TTC13: variants seen among roughly 807,000 people sequenced by gnomAD.
TTC13 encodes tetratricopeptide repeat protein 13.
TTC13 carries 62 observed loss-of-function variants against 120.0 expected under a neutral mutation model. That is an observed-to-expected ratio of 0.52 (90% CI 0.42 to 0.64). The LOEUF (loss-of-function observed/expected upper bound fraction) is 0.64. Ranked by LOEUF, TTC13 falls within the 30% of genes least tolerant of loss-of-function variation. The pLI is 0.00. For missense variants in TTC13, 824 were observed against 1,050.2 expected, an observed-to-expected ratio of 0.78 and a Z score of 2.98; for synonymous variants, 384 against 393.5, an observed-to-expected ratio of 0.98 and a Z score of 0.28.
intron 9 of TTC13, among the ~76,000 whole-genome samples, chr1:230,932,867 A>C (rs1167642462): frequency 6.6e-6 from 1 of 152,238 alleles, no homozygotes; most frequent in Non-Finnish European, 1.5e-5. Context: ...GAGAAGCCAG[A>C]AGCTCAGGGA....
At chr1:230,921,323 G>C (rs1672553490) in intron 16 of TTC13, 98 bp downstream of exon 16, 2 of 681,114 alleles carry the variant, frequency 2.9e-6, no homozygotes, top group African/African-American at 3.8e-5. Context: ...ACCTTGTTTA[G>C]CCCGTCAACA....
chr1:230,957,760 A>G (rs986237136), intron 3 of TTC13, among the ~76,000 whole-genome samples: 12 of 152,228 alleles, frequency 7.9e-5, no homozygotes, highest in African/African-American at 2.9e-4. Context: ...TCGTGCAGGT[A>G]CGAATGAATT....
intron 1 of TTC13, among the ~76,000 whole-genome samples, chr1:230,977,063 GA>G (rs1445584443): frequency 6.6e-6 from 1 of 152,136 alleles, no homozygotes; most frequent in Non-Finnish European, 1.5e-5. Context: ...TCTGGAGCCC[GA>G]CTTCATGGGT....
intron 1 of TTC13, among the ~76,000 whole-genome samples, chr1:230,968,964 G>A (rs1237688099): frequency 6.6e-6 from 1 of 152,218 alleles, no homozygotes; most frequent in African/African-American, 2.4e-5. Context: ...AGCTGAGACT[G>A]TAAGTACAGT....
intron 15 of TTC13, 100 bp downstream of exon 15, chr1:230,923,741 G>A: frequency 1.0e-6 from 1 of 969,044 alleles, no homozygotes; most frequent in South Asian, 1.6e-5. Flanking sequence ...TGGTCAAAAA[G>A]TCACCAGGAA....
At chr1:230,948,857 A>G (rs1675262481) in intron 4 of TTC13, among the ~76,000 whole-genome samples, 1 of 152,162 alleles carries the variant, frequency 6.6e-6, no homozygotes, top group Admixed American at 6.5e-5. Context: ...TCCCAAATGC[A>G]GTGCATTTGC....
chr1:230,936,420 T>TGTA, intron 8 of TTC13: 1 of 367,402 alleles, frequency 2.7e-6, no homozygotes, highest in Non-Finnish European at 5.3e-6. Flanking sequence ...TCTTTCTTAC[T>TGTA]AGTTGACAGG....
chr1:230,921,926 C>T (rs1000019673), intron 15 of TTC13, among the ~76,000 whole-genome samples: 1 of 152,198 alleles, frequency 6.6e-6, no homozygotes, highest in African/African-American at 2.4e-5. Flanking sequence ...TCTACCCACT[C>T]GGAATACTCT....
At chr1:230,907,222 C>T (rs1413548497) in intron 22 of TTC13, among the ~76,000 whole-genome samples, 2 of 152,234 alleles carry the variant, frequency 1.3e-5, no homozygotes, top group Admixed American at 6.5e-5. Flanking sequence ...CGTTACAAGT[C>T]GCTTGGAAGT....
At chr1:230,974,880 A>C (rs992576498) in intron 1 of TTC13, among the ~76,000 whole-genome samples, 6 of 152,240 alleles carry the variant, frequency 3.9e-5, no homozygotes, top group African/African-American at 1.2e-4. Context: ...TCAAAGACAA[A>C]ATTCTAATAG....
At position 230,912,733 on chromosome 1, in the gene TTC13, C is replaced by T. The variant is rs79413990; in HGVS notation, c.2119G>A (p.Glu707Lys). The change falls in exon 19 of 23, where the codon GAA (glutamate) becomes AAA (lysine). Residue 707 changes from glutamate to lysine, a missense_variant. This residue lies in a region of TTC13 where 226 missense variants were observed against 259.1 expected (regional missense o/e 0.87). Coordinates refer to ENST00000366661, the MANE Select transcript of TTC13 (RefSeq NM_024525.5). ...DKVGNILFSVETQTTEERTQL... is the reference protein window; with the variant it reads ...DKVGNILFSVKTQTTEERTQL... Reference sequence around the variant, plus strand: ...GTCCTTTCTTCCGTGGTTTGAGTTTCCACAGAAAATAATATATTGCCAACT... The same window carrying T: ...GTCCTTTCTTCCGTGGTTTGAGTTTTCACAGAAAATAATATATTGCCAACT... The T allele has an allele frequency of 4.3e-5, 69 of 1,611,634 alleles. No individual in the cohort carries two copies. In the East Asian group the frequency reaches 1.3e-3, roughly 31 times the overall value.
chr1:230,957,916 C>T, intron 3 of TTC13, among the ~76,000 whole-genome samples: 1 of 152,148 alleles, frequency 6.6e-6, no homozygotes. Flanking sequence ...TTCTTCATTG[C>T]TCACATCTGA....
intron 1 of TTC13, among the ~76,000 whole-genome samples, chr1:230,966,699 A>G (rs1677160919): frequency 6.6e-6 from 1 of 152,254 alleles, no homozygotes; most frequent in Non-Finnish European, 1.5e-5. Flanking sequence ...ATGACAGCAC[A>G]GTCAGAAGAT....
At chr1:230,916,634 C>A (rs528056738) in intron 17 of TTC13, among the ~76,000 whole-genome samples, 1 of 152,300 alleles carries the variant, frequency 6.6e-6, no homozygotes, top group Admixed American at 6.5e-5. Flanking sequence ...TAGGCAGCAA[C>A]CTTGAATCAT....
chr1:230,950,709 G>C (rs1445151279), intron 4 of TTC13, among the ~76,000 whole-genome samples: 3 of 152,172 alleles, frequency 2.0e-5, no homozygotes, highest in Non-Finnish European at 4.4e-5. Context: ...TGTAAAATAG[G>C]AAGTAATATT....
chr1:230,978,347 G>A lies in TTC13; in HGVS notation c.271+213C>T, dbSNP rs1401867278. 6.6e-6 allele frequency among the ~76,000 whole-genome samples: 1 copy of A among 152,108 alleles called. No individual in the cohort carries two copies. The highest frequency in any genetic ancestry group is 1.5e-5 in the Non-Finnish European group (1 of 67,984). ...CTGTCAGCTCATTTCTCGACTCGCC[G>A]CCCTGCCCAAAGGCGGCTGCAGGAG... On this transcript the variant is annotated intron_variant, in intron 1 of 22. Coordinates refer to ENST00000366661, the MANE Select transcript of TTC13 (RefSeq NM_024525.5). This position sits in a 1 kb window ranked among gnomAD's most constrained non-coding sequence, Gnocchi z 5.6.
rs889137493 is a variant in TTC13 at position 230,931,308 on chromosome 1, C to T, written c.1290G>A (p.Lys430=). Residue 430 remains lysine, a synonymous_variant, in exon 11 of 23, where the codon AAG becomes AAA. Transcript: ENST00000366661. ...GATTTTCTGACTTACCTCGGAGATA[C>T]TTTACTTTAAGATACTCAGGGCTAG... ...QKASPEYLKV[K]YLREYSRYLH... is the part of the protein sequence containing the mutation. 1 of 1,613,430 alleles carries T rather than the reference C, an allele frequency of 6.2e-7. No individual in the cohort carries two copies. The highest frequency in any genetic ancestry group is 8.5e-7 in the Non-Finnish European group (1 of 1,179,876).
chr1:230,916,919 G>A (rs919857814), intron 17 of TTC13, among the ~76,000 whole-genome samples: 2 of 152,126 alleles, frequency 1.3e-5, no homozygotes, highest in African/African-American at 4.8e-5. Context: ...AAACATTTGG[G>A]ACAAACCTGC....
chr1:230,912,590 A>G (rs1458789696), intron 19 of TTC13, 33 bp downstream of exon 19: 4 of 1,603,556 alleles, frequency 2.5e-6, no homozygotes, highest in Non-Finnish European at 3.4e-6. Context: ...AATCATAGGA[A>G]GAGCAGAAAA....
Sources: gnomAD v4.1 joint callset for allele counts (sites outside exome capture counted in the v4.1 genomes callset) on GRCh38, gnomAD v4.1.1 for gene constraint, gnomAD v4.1.1 regional missense constraint, Gnocchi (gnomAD v3.1) non-coding constraint, MANE v1.5 for transcripts, NCBI Gene and HGNC (gene_info 2026-07-23, HGNC 2026-07-21) for gene names.